TSKU: variants seen among roughly 807,000 people sequenced by gnomAD.
TSKU encodes tsukushi, small leucine rich proteoglycan.
TSKU carries 4 observed loss-of-function variants against 11.2 expected under a neutral mutation model. The ratio of observed to expected loss-of-function variants is 0.36; its 90% CI spans 0.18 to 0.82. The LOEUF is 0.82. Ranked by LOEUF, TSKU falls within the 40% of genes least tolerant of loss-of-function variation. TSKU has a pLI of 0.50. For missense variants in TSKU, 407 were observed against 482.5 expected (o/e 0.84, Z 1.47); for synonymous variants, 220 against 232.2 (o/e 0.95, Z 0.48).
At position 76,796,488 on chromosome 11, in the gene TSKU, T is replaced by TG; in HGVS notation, c.874dup (p.Val292GlyfsTer5). ...GAGCTGGACCTTTCGGGCACCAACC[T>TG]GGTGCCCCTGCCTGAGGCGCTGCTC... is the stretch of plus-strand genomic sequence containing the variant. On this transcript the variant is annotated frameshift_variant, in exon 2 of 2. Coordinates refer to ENST00000333090, the MANE Select transcript of TSKU (RefSeq NM_015516.4). LOFTEE classifies it high-confidence loss of function. The surrounding 1 kb of genome is among the most constrained non-coding windows in gnomAD (Gnocchi z 4.1). The TG allele has an allele frequency of 6.2e-7, 1 of 1,612,346 alleles. No individual in the cohort carries two copies. Among genetic ancestry groups the TG allele is most frequent in the South Asian group, 1.1e-5 (1 of 91,002 alleles).
chr11:76,795,327 G>T (rs1305008557), intron 1 of TSKU, among the ~76,000 whole-genome samples: 1 of 152,246 alleles, frequency 6.6e-6, no homozygotes, highest in East Asian at 1.9e-4. Flanking sequence ...CCTCACTTCA[G>T]CCAGACCAGG....
intron 1 of TSKU, among the ~76,000 whole-genome samples, chr11:76,786,206 T>A (rs748722249): frequency 5.3e-5 from 8 of 150,462 alleles, no homozygotes; most frequent in South Asian, 2.1e-4. Flanking sequence ...TTTATCACCT[T>A]CATGTGGCCA....
At chr11:76,793,720 C>T (rs1944404572) in intron 1 of TSKU, among the ~76,000 whole-genome samples, 1 of 152,108 alleles carries the variant, frequency 6.6e-6, no homozygotes, top group Non-Finnish European at 1.5e-5. Flanking sequence ...CATTGGAACA[C>T]TCTGTCCTGC....
At chr11:76,794,833 G>T (rs1043606102) in intron 1 of TSKU, among the ~76,000 whole-genome samples, 1 of 152,164 alleles carries the variant, frequency 6.6e-6, no homozygotes, top group African/African-American at 2.4e-5. Flanking sequence ...GTGGAGTATG[G>T]GTGCGGTGGG....
upstream of TSKU, chr11:76,782,348 A>G (rs1290959541): frequency 6.6e-6 from 1 of 151,756 alleles, no homozygotes; most frequent in Non-Finnish European, 1.5e-5. Context: ...GGCCCTCCAA[A>G]GTCTAGGAGA....
intron 1 of TSKU, among the ~76,000 whole-genome samples, chr11:76,794,796 G>C (rs1944419738): frequency 6.6e-6 from 1 of 152,232 alleles, no homozygotes; most frequent in African/African-American, 2.4e-5. Context: ...TCCTGCCCCT[G>C]GATGACAGGC....
intron 1 of TSKU, among the ~76,000 whole-genome samples, chr11:76,788,189 C>T (rs920986130): frequency 6.6e-6 from 1 of 151,604 alleles, no homozygotes; most frequent in African/African-American, 2.4e-5. Flanking sequence ...TGGGAGGCAG[C>T]TCTGTGTTGA....
At position 76,797,814 on chromosome 11, in the gene TSKU, C is replaced by T. The variant is rs879403039; in HGVS notation, c.*1136C>T. 17 of 167,250 alleles carry T rather than the reference C, an allele frequency of 1.0e-4. No individual in the cohort carries two copies. Among genetic ancestry groups the T allele is most frequent in the African/African-American group, 3.6e-4 (15 of 41,598 alleles). 10.4% of individuals were successfully genotyped at this position (167,250 alleles called of 1,614,324 possible). A position where few individuals can be genotyped will look rare whatever the true frequency, so the allele number is the denominator to read the frequency against. Reference sequence around the variant, plus strand: ...ACCCCCAGGGTAGCATCTCAGCTTCCGAACCCTGGGCTGTTTCCTTAGTCT... The same window carrying T: ...ACCCCCAGGGTAGCATCTCAGCTTCTGAACCCTGGGCTGTTTCCTTAGTCT... On this transcript the variant is annotated 3_prime_UTR_variant, in exon 2 of 2. Transcript: ENST00000333090.
rs576319594 is a variant in TSKU, at chr11:76,796,821, G to A, written c.*143G>A. Reference sequence around the variant, plus strand: ...GTCACCACAGGAGTTGTGGGCCTAGGAGAGGCTTTGGACCTGGGAGCCACA... The same window carrying A: ...GTCACCACAGGAGTTGTGGGCCTAGAAGAGGCTTTGGACCTGGGAGCCACA... On this transcript the variant is annotated 3_prime_UTR_variant, in exon 2 of 2. Coordinates refer to ENST00000333090, the MANE Select transcript of TSKU (RefSeq NM_015516.4). This position sits in a 1 kb window ranked among gnomAD's most constrained non-coding sequence, Gnocchi z 4.1. 8.9e-5 allele frequency: 53 copies of A among 593,418 alleles called. No homozygotes were observed. The highest frequency in any genetic ancestry group is 1.2e-4 in the Non-Finnish European group (47 of 378,188). 36.8% of individuals were successfully genotyped at this position (593,418 alleles called of 1,614,324 possible).
intron 1 of TSKU, chr11:76,791,654 C>T (rs1388733677): frequency 6.6e-6 from 1 of 152,276 alleles, no homozygotes; most frequent in African/African-American, 2.4e-5. Context: ...GACCCAATCT[C>T]TCTGAGCATC....
chr11:76,794,106 G>A (rs1034834575), intron 1 of TSKU, among the ~76,000 whole-genome samples: 4 of 152,196 alleles, frequency 2.6e-5, no homozygotes, highest in African/African-American at 9.6e-5. Flanking sequence ...AGGAAGCTTA[G>A]TGCCTTCTGT....
upstream of TSKU, chr11:76,782,578 T>TA (rs1944246692): frequency 6.6e-6 from 1 of 150,718 alleles, no homozygotes. Flanking sequence ...TTTTTTTTTT[T>TA]AACATAAAGA....
intron 1 of TSKU, 102 bp downstream of exon 1, chr11:76,783,506 C>G (rs1464415546): frequency 6.6e-6 from 1 of 152,142 alleles, no homozygotes; most frequent in Non-Finnish European, 1.5e-5. Flanking sequence ...GGGCTGGGGA[C>G]GCCGGGCGCA....
rs1214798445 is a variant in TSKU at position 76,796,128 on chromosome 11, G to A, written c.512G>A (p.Arg171His). ...GACCTCTCCCACAACCTCATTCACC[G>A]CCTCGTGCCCCACCCCACGAGGGCC... is the stretch of plus-strand genomic sequence containing the variant. ...HVDLSHNLIHRLVPHPTRAGL... is the reference protein window; with the variant it reads ...HVDLSHNLIHHLVPHPTRAGL... Residue 171 changes from arginine (R) to histidine (H), a missense_variant, in exon 2 of 2, where the codon CGC becomes CAC. Transcript: ENST00000333090. The surrounding 1 kb of genome is among the most constrained non-coding windows in gnomAD (Gnocchi z 4.1). The A allele has an allele frequency of 1.9e-6, 3 of 1,613,540 alleles. No individual in the cohort carries two copies. Among genetic ancestry groups the A allele is most frequent in the Admixed American group, 1.7e-5 (1 of 59,988 alleles).
chr11:76,795,413 G>T (rs777373882), intron 1 of TSKU, among the ~76,000 whole-genome samples, 196 bp from the exon 2 acceptor site: 6 of 152,212 alleles, frequency 3.9e-5, no homozygotes, highest in Non-Finnish European at 7.3e-5. Context: ...CTGGCCTCAC[G>T]CCCCTTACCA....
chr11:76,787,660 G>A (rs1018103089), intron 1 of TSKU, among the ~76,000 whole-genome samples: 1 of 152,182 alleles, frequency 6.6e-6, no homozygotes, highest in African/African-American at 2.4e-5. Context: ...ATCTTCACGT[G>A]GTGTCTGCTC....
In TSKU at chr11:76,796,412, A is replaced by G; in HGVS notation, c.796A>G (p.Lys266Glu). The stretch of plus-strand genomic sequence containing the variant: ...GGTCCTGGACCTGTCGGGCAACCCC[A>G]AGCTTAACTGGGCAGGAGCTGAGGT... Reference protein sequence around the residue: ...LQVLDLSGNPKLNWAGAEVFS... With the variant: ...LQVLDLSGNPELNWAGAEVFS... Residue 266 changes from lysine to glutamate, a missense_variant, in exon 2 of 2, where the codon AAG becomes GAG. Transcript: ENST00000333090. This position sits in a 1 kb window ranked among gnomAD's most constrained non-coding sequence, Gnocchi z 4.1. The G allele has an allele frequency of 1.9e-6, 3 of 1,613,478 alleles. No individual in the cohort carries two copies. Among genetic ancestry groups the G allele is most frequent in the Non-Finnish European group, 2.5e-6 (3 of 1,179,962 alleles).
At chr11:76,793,778 G>T (rs1288510323) in intron 1 of TSKU, among the ~76,000 whole-genome samples, 3 of 152,200 alleles carry the variant, frequency 2.0e-5, no homozygotes, top group South Asian at 2.1e-4. Flanking sequence ...ATTTAATCCT[G>T]AAATTGGCCT....
intron 1 of TSKU, among the ~76,000 whole-genome samples, chr11:76,795,064 G>C (rs1009222085): frequency 6.6e-5 from 10 of 152,222 alleles, no homozygotes; most frequent in African/African-American, 2.4e-4. Context: ...CGACCATGCT[G>C]TGGGGCAGCC....
Sources: gnomAD v4.1 joint callset for allele counts (sites outside exome capture counted in the v4.1 genomes callset) on GRCh38, gnomAD v4.1.1 for gene constraint, Gnocchi (gnomAD v3.1) non-coding constraint, MANE v1.5 for transcripts, NCBI Gene and HGNC (gene_info 2026-07-23, HGNC 2026-07-21) for gene names.